The following ANKRD17 variants were observed in gnomAD, a reference collection of about 807,000 sequenced individuals.
ANKRD17 encodes the protein ankyrin repeat domain 17, also known as ankyrin repeat domain-containing protein 17.
In ANKRD17, 19 loss-of-function variants were observed where a neutral mutation model predicts 229.7. The observed-to-expected ratio is 0.08, with a 90% CI of 0.06 to 0.12. ANKRD17 has a LOEUF of 0.12. Among genes scored for constraint, ANKRD17 ranks in the 10% least tolerant of loss-of-function variants. The pLI, the probability that ANKRD17 is intolerant of heterozygous loss-of-function variation, is 1.00. For synonymous variants in ANKRD17, 1,112 were observed against 1,146.1 expected (o/e 0.97, Z 0.60); for missense variants, 2,176 against 3,176.8 (o/e 0.68, Z 7.57).
At chr4:73,191,304 G>A (rs1737033001) in intron 1 of ANKRD17, among the ~76,000 whole-genome samples, 1 of 146,276 alleles carries the variant, frequency 6.8e-6, no homozygotes, top group African/African-American at 2.5e-5. Context: ...GAACAGCTAT[G>A]AAGCTGGAAA....
intron 15 of ANKRD17, 132 bp downstream of exon 15, chr4:73,139,399 A>C (rs775921291): frequency 9.4e-5 from 98 of 1,043,532 alleles, no homozygotes; most frequent in Non-Finnish European, 1.3e-4. Context: ...GATTGAACTA[A>C]TACTTCTAAA....
intron 1 of ANKRD17, among the ~76,000 whole-genome samples, chr4:73,196,742 A>G (rs570848799): frequency 1.3e-5 from 2 of 152,332 alleles, no homozygotes; most frequent in Admixed American, 6.5e-5. Flanking sequence ...GCTGAGTTAC[A>G]TAAGTAACTC....
rs1560690715 is a variant in ANKRD17 at position 73,190,558 on chromosome 4, ACAAAAC to A, written c.394-13031_394-13026del. Among the ~76,000 whole-genome samples, 230 of 150,826 alleles carry A rather than the reference ACAAAAC, an allele frequency of 1.5e-3. 1 individual carries two copies. Among genetic ancestry groups the A allele is most frequent in the South Asian group, 0.01 (48 of 4,758 alleles). On this transcript the variant is annotated intron_variant, in intron 1 of 33. Coordinates refer to ENST00000358602, the MANE Select transcript of ANKRD17 (RefSeq NM_032217.5). The stretch of plus-strand genomic sequence containing the variant: ...AAACAAATGTCCTCCAAAAAAAAAA[ACAAAAC>A]AAAAAAAAAACAAAAAAAACCTGTA...
intron 23 of ANKRD17, among the ~76,000 whole-genome samples, chr4:73,114,519 G>A (rs959499195): frequency 6.6e-6 from 1 of 152,122 alleles, no homozygotes; most frequent in Admixed American, 6.5e-5. Flanking sequence ...CTATTAACAG[G>A]CATAATCATA....
chr4:73,203,714 A>C (rs1320089450), intron 1 of ANKRD17, among the ~76,000 whole-genome samples: 2 of 141,924 alleles, frequency 1.4e-5, no homozygotes, highest in African/African-American at 5.2e-5. Context: ...AGTCGAGATC[A>C]CGCCACTGCA....
In ANKRD17 at chr4:73,074,916, T is replaced by A. The variant is rs774304951; in HGVS notation, c.*1315A>T. The A allele has an allele frequency of 1.3e-5, 2 of 152,520 alleles. No homozygotes were observed. The highest frequency in any genetic ancestry group is 2.9e-5 in the Non-Finnish European group (2 of 67,912). 9.4% of individuals were successfully genotyped at this position (152,520 alleles called of 1,614,324 possible). On this transcript the variant is annotated 3_prime_UTR_variant, in exon 34 of 34. Transcript: ENST00000358602. Reference sequence around the variant, plus strand: ...TTTATTGTTTCAAGTGGATGGAATATATAAATCCCACTGAGTAGTTTAGTG... The same window carrying A: ...TTTATTGTTTCAAGTGGATGGAATAAATAAATCCCACTGAGTAGTTTAGTG...
chr4:73,128,246 T>C (rs1727734168), intron 16 of ANKRD17, among the ~76,000 whole-genome samples: 1 of 152,182 alleles, frequency 6.6e-6, no homozygotes, highest in South Asian at 2.1e-4. Flanking sequence ...CCCAAGAAGA[T>C]CTTGATAACA....
chr4:73,085,323 G>A lies in ANKRD17; in HGVS notation c.7085C>T (p.Pro2362Leu). ...YGPGAPLGGA[P>L]AAANFNRQHF... is the part of the protein sequence containing the mutation. ...TTGTCTGTTAAAGTTAGCAGCTGCGGGTGCTCCTCCAAGGGGTGCCCCAGG... is the reference window on the plus strand; with the variant it reads ...TTGTCTGTTAAAGTTAGCAGCTGCGAGTGCTCCTCCAAGGGGTGCCCCAGG... The change falls in exon 30 of 34, where the codon CCC becomes CTC. Residue 2362 changes from proline to leucine, a missense_variant. Physicochemically the swap from Pro to Leu is moderately conservative, Grantham distance 98. Coordinates refer to ENST00000358602, the MANE Select transcript of ANKRD17 (RefSeq NM_032217.5). The A allele has an allele frequency of 6.2e-7, 1 of 1,614,062 alleles. No individual in the cohort carries two copies. Among genetic ancestry groups the A allele is most frequent in the South Asian group, 1.1e-5 (1 of 91,078 alleles).
At chr4:73,235,396 G>A (rs921053660) in intron 1 of ANKRD17, among the ~76,000 whole-genome samples, 6 of 152,154 alleles carry the variant, frequency 3.9e-5, no homozygotes, top group Non-Finnish European at 7.3e-5. Flanking sequence ...ATCCATCTAT[G>A]CACCTAAGTT....
chr4:73,241,320 A>G (rs1744013996), intron 1 of ANKRD17, among the ~76,000 whole-genome samples: 2 of 152,186 alleles, frequency 1.3e-5, no homozygotes, highest in African/African-American at 2.4e-5. Flanking sequence ...AATAAAATGT[A>G]AAAGTTAAGA....
chr4:73,219,048 A>C (rs1156565207), intron 1 of ANKRD17, among the ~76,000 whole-genome samples: 1 of 152,204 alleles, frequency 6.6e-6, no homozygotes, highest in Non-Finnish European at 1.5e-5. Context: ...GCAACACAGC[A>C]AGATTCCGTC....
At chr4:73,206,026 C>T (rs1300693848) in intron 1 of ANKRD17, among the ~76,000 whole-genome samples, 1 of 152,076 alleles carries the variant, frequency 6.6e-6, no homozygotes, top group Admixed American at 6.5e-5. Context: ...ATTAAAACCA[C>T]AGTGAGACAC....
chr4:73,215,870 G>A (rs989754503), intron 1 of ANKRD17, among the ~76,000 whole-genome samples: 8 of 152,142 alleles, frequency 5.3e-5, no homozygotes, highest in African/African-American at 7.2e-5. Flanking sequence ...TTTCTTTAGA[G>A]ACTTCGACCA....
intron 2 of ANKRD17, among the ~76,000 whole-genome samples, chr4:73,171,555 A>G (rs1734047172): frequency 6.6e-6 from 1 of 152,206 alleles, no homozygotes; most frequent in Non-Finnish European, 1.5e-5. Context: ...ACATGACCTC[A>G]CCAAATGAAC....
intron 16 of ANKRD17, among the ~76,000 whole-genome samples, chr4:73,134,362 A>G (rs1728620972): frequency 6.6e-6 from 1 of 152,098 alleles, no homozygotes. Flanking sequence ...AAATACAAAA[A>G]CTAAGTAAAC....
chr4:73,088,207 A>C (rs538360961), intron 29 of ANKRD17, among the ~76,000 whole-genome samples: 1 of 152,346 alleles, frequency 6.6e-6, no homozygotes, highest in South Asian at 2.1e-4. Context: ...TAAACAAAGG[A>C]AGAAAAATAT....
chr4:73,236,943 C>T (rs867395587), intron 1 of ANKRD17, among the ~76,000 whole-genome samples: 1 of 152,114 alleles, frequency 6.6e-6, no homozygotes, highest in Non-Finnish European at 1.5e-5. Flanking sequence ...CCATATCATG[C>T]TTTTTTCCTG....
At chr4:73,093,538 C>A (rs112317867) in intron 28 of ANKRD17, among the ~76,000 whole-genome samples, 1 of 151,970 alleles carries the variant, frequency 6.6e-6, no homozygotes, top group Non-Finnish European at 1.5e-5. Flanking sequence ...CCACTATGCC[C>A]GGCTAATTTT....
intron 1 of ANKRD17, among the ~76,000 whole-genome samples, chr4:73,212,149 G>A (rs971170818): frequency 6.6e-6 from 1 of 151,920 alleles, no homozygotes; most frequent in Non-Finnish European, 1.5e-5. Context: ...AGGGAAAGAG[G>A]GTGGCGATTC....
Sources: gnomAD v4.1 joint callset for allele counts (sites outside exome capture counted in the v4.1 genomes callset) on GRCh38, gnomAD v4.1.1 for gene constraint, MANE v1.5 for transcripts, NCBI Gene and HGNC (gene_info 2026-07-23, HGNC 2026-07-21) for gene names.